ATAD2B: variants seen among roughly 807,000 people sequenced by gnomAD.
ATAD2B encodes ATPase family AAA domain containing 2B.
ATAD2B carries 40 observed loss-of-function variants against 167.6 expected under a neutral mutation model. The ratio of observed to expected loss-of-function variants is 0.24; its 90% CI spans 0.19 to 0.31. The LOEUF (loss-of-function observed/expected upper bound fraction) is 0.31, where lower values mean the gene tolerates loss of function less well. Ranked by LOEUF, ATAD2B falls within the 10% of genes least tolerant of loss-of-function variation. ATAD2B has a pLI of 1.00. For missense variants in ATAD2B, 1,242 were observed against 1,757.2 expected (o/e 0.71, Z 5.24); for synonymous variants, 579 against 596.5 (o/e 0.97, Z 0.43).
chr2:23,690,818 G>C, the ATAD2B span: 1 of 152,280 alleles, frequency 6.6e-6, no homozygotes, highest in African/African-American at 2.4e-5. Context: ...CCTTTGCAAT[G>C]GTTTTGTATT....
the ATAD2B span, among the ~76,000 whole-genome samples, chr2:23,679,676 G>A: frequency 6.8e-6 from 1 of 147,434 alleles, no homozygotes; most frequent in Non-Finnish European, 1.5e-5. Flanking sequence ...ATAAAACATA[G>A]TCTAGTGCAG....
Position 23,869,660 on chromosome 2 carries a change from A to T in ATAD2B, c.1076+3T>A, listed in dbSNP as rs1320221868. 1.3e-6 allele frequency: 2 copies of T among 1,548,226 alleles called. No individual in the cohort carries two copies. Among genetic ancestry groups the T allele is most frequent in the Non-Finnish European group, 1.8e-6 (2 of 1,140,900 alleles). ...TGGAAATAACATTACAAATTTTACT[A>T]ACCTATTTCTTGCTCTTGCCATGCT... is the stretch of plus-strand genomic sequence containing the variant. On this transcript the variant is annotated splice_donor_region_variant and intron_variant, in intron 9 of 27. Coordinates refer to ENST00000238789, the MANE Select transcript of ATAD2B (RefSeq NM_017552.4).
chr2:23,821,908 C>G (rs1306555862), intron 16 of ATAD2B, among the ~76,000 whole-genome samples: 2 of 152,114 alleles, frequency 1.3e-5, no homozygotes, highest in African/African-American at 4.8e-5. Context: ...CCCGCCTTGG[C>G]CTCCCAAAAC....
At chr2:23,717,872 T>C in the ATAD2B span, among the ~76,000 whole-genome samples, 4 of 151,944 alleles carry the variant, frequency 2.6e-5, no homozygotes, top group African/African-American at 9.7e-5. Flanking sequence ...TGAAGTAAAA[T>C]AACTCAGGGA....
At chr2:23,686,109 A>G in the ATAD2B span, among the ~76,000 whole-genome samples, 1 of 150,426 alleles carries the variant, frequency 6.6e-6, no homozygotes, top group Non-Finnish European at 1.5e-5. Flanking sequence ...AGGGAGGAAG[A>G]GCATTCCAGG....
chr2:23,731,153 G>A, the ATAD2B span, among the ~76,000 whole-genome samples: 2 of 152,068 alleles, frequency 1.3e-5, no homozygotes, highest in African/African-American at 4.8e-5. Context: ...TTAAATCTAT[G>A]AATTCATAAT....
At chr2:23,717,875 C>T in the ATAD2B span, among the ~76,000 whole-genome samples, 1 of 152,032 alleles carries the variant, frequency 6.6e-6, no homozygotes, top group Non-Finnish European at 1.5e-5. Context: ...AGTAAAATAA[C>T]TCAGGGAGAA....
intron 22 of ATAD2B, among the ~76,000 whole-genome samples, chr2:23,782,031 G>A (rs1196118630): frequency 6.6e-6 from 1 of 152,090 alleles, no homozygotes; most frequent in Non-Finnish European, 1.5e-5. Context: ...ACTCAGGCTG[G>A]CCTGCTAACT....
chr2:23,913,470 T>C (rs983034989), intron 1 of ATAD2B, among the ~76,000 whole-genome samples: 1 of 151,990 alleles, frequency 6.6e-6, no homozygotes, highest in Non-Finnish European at 1.5e-5. Context: ...TGAAACCCCA[T>C]CTCTACTAAA....
chr2:23,918,069 GAA>G (rs1703317661), intron 1 of ATAD2B, among the ~76,000 whole-genome samples: 1 of 151,658 alleles, frequency 6.6e-6, no homozygotes, highest in African/African-American at 2.4e-5. Flanking sequence ...AAAAAGAAAA[GAA>G]AGAGAAAAAT....
the ATAD2B span, chr2:23,693,542 T>C: frequency 6.5e-7 from 1 of 1,541,966 alleles, no homozygotes; most frequent in Non-Finnish European, 8.8e-7. Context: ...GGGCCTGCCC[T>C]GTCCCCCGCC....
At chr2:23,728,839 G>T in the ATAD2B span, among the ~76,000 whole-genome samples, 5 of 152,180 alleles carry the variant, frequency 3.3e-5, no homozygotes, top group African/African-American at 1.2e-4. Flanking sequence ...GAAGGAAATT[G>T]TATTAGTTCA....
the ATAD2B span, among the ~76,000 whole-genome samples, chr2:23,682,414 ACT>A: frequency 2.0e-5 from 3 of 151,402 alleles, no homozygotes; most frequent in South Asian, 2.1e-4. This position sits in a 1 kb window ranked among gnomAD's most constrained non-coding sequence, Gnocchi z 4.1. Context: ...TCGAGGCTCA[ACT>A]CTCTGCACGG....
intron 8 of ATAD2B, among the ~76,000 whole-genome samples, chr2:23,870,817 T>G (rs574391683): frequency 6.6e-6 from 1 of 151,920 alleles, no homozygotes; most frequent in Admixed American, 6.6e-5. Context: ...TCTTATAAAA[T>G]ACATAAAATA....
chr2:23,766,633 C>A (rs1351198018), intron 22 of ATAD2B, among the ~76,000 whole-genome samples: 2 of 152,140 alleles, frequency 1.3e-5, no homozygotes, highest in African/African-American at 2.4e-5. Context: ...ATGGTGGCCA[C>A]CCACAGCAGT....
intron 17 of ATAD2B, among the ~76,000 whole-genome samples, chr2:23,813,967 A>G (rs956904442): frequency 2.0e-5 from 3 of 152,206 alleles, no homozygotes; most frequent in Admixed American, 2.0e-4. Flanking sequence ...AGAATTTGCT[A>G]CAGAGCAGGG....
At position 23,786,128 on chromosome 2, in the gene ATAD2B, T is replaced by G. The variant is rs754208262; in HGVS notation, c.2872A>C (p.Asn958His). The change falls in exon 21 of 28, where the codon AAT becomes CAT. Residue 958 changes from asparagine to histidine, a missense_variant. Coordinates refer to ENST00000238789, the MANE Select transcript of ATAD2B (RefSeq NM_017552.4). ...AACAACCGCAACTCTCTTAAAGTAT[T>G]TTCCTCCTGGTCCTCCATTCGACTT... ...EKSRMEDQEE[N>H]TLRELRLFLR... 2.5e-6 allele frequency: 4 copies of G among 1,609,284 alleles called. No individual in the cohort carries two copies. Among genetic ancestry groups the G allele is most frequent in the Non-Finnish European group, 3.4e-6 (4 of 1,177,756 alleles).
intron 18 of ATAD2B, among the ~76,000 whole-genome samples, chr2:23,807,831 AT>A (rs1365162586): frequency 1.4e-4 from 18 of 125,478 alleles, no homozygotes; most frequent in Admixed American, 3.7e-4. Flanking sequence ...AAAAAAAAAT[AT>A]ATATATATAT....
the ATAD2B span, among the ~76,000 whole-genome samples, chr2:23,721,138 T>C: frequency 2.0e-5 from 3 of 152,182 alleles, no homozygotes; most frequent in Non-Finnish European, 4.4e-5. Flanking sequence ...GCCAAACTGC[T>C]ATGTGCCCTA....
Sources: gnomAD v4.1 joint callset for allele counts (sites outside exome capture counted in the v4.1 genomes callset) on GRCh38, gnomAD v4.1.1 for gene constraint, Gnocchi (gnomAD v3.1) non-coding constraint, MANE v1.5 for transcripts, NCBI Gene and HGNC (gene_info 2026-07-23, HGNC 2026-07-21) for gene names.